Variants in ZC2HC1A observed in about 807,000 individuals in gnomAD.
The protein encoded by ZC2HC1A is zinc finger C2HC domain-containing protein 1A.
A neutral mutation model predicts 40.7 loss-of-function variants in ZC2HC1A; 28 were observed. The ratio of observed to expected loss-of-function variants is 0.69; its 90% confidence interval spans 0.51 to 0.94. The LOEUF (loss-of-function observed/expected upper bound fraction) is 0.94, where lower values mean the gene tolerates loss of function less well. ZC2HC1A is among the 40% of genes least tolerant of loss of function. ZC2HC1A has a pLI of 0.00. For synonymous variants in ZC2HC1A, 129 were observed against 129.2 expected (o/e 1.00, Z 0.01); for missense variants, 389 against 386.3 (o/e 1.01, Z -0.06).
At chr8:78,679,266 A>G (rs1809685789) in intron 3 of ZC2HC1A, 1 of 152,104 alleles carries the variant, frequency 6.6e-6, no homozygotes, top group African/African-American at 2.4e-5. Flanking sequence ...TCTCCTTAAT[A>G]TCTGTTATAT....
intron 7 of ZC2HC1A, among the ~76,000 whole-genome samples, chr8:78,699,422 C>T (rs1392177417): frequency 6.6e-6 from 1 of 152,002 alleles, no homozygotes; most frequent in Non-Finnish European, 1.5e-5. Flanking sequence ...TTTACATATA[C>T]TGGTTCAGTT....
Position 78,675,793 on chromosome 8 carries a change from G to T in ZC2HC1A, c.23G>T (p.Gly8Val), listed in dbSNP as rs763567351. ...AAATTCCTTCCTGTTTTAGAGAATG[G>T]AGGTGTTGTCCAAGTTGGAGAATTG... MEGLEENGGVVQVGELLP... is the reference protein window; with the variant it reads MEGLEENVGVVQVGELLP... The change falls in exon 2 of 9, where the codon GGA (glycine) becomes GTA (valine). Residue 8 changes from glycine to valine, a missense_variant. By Grantham distance (109) the Gly-to-Val change is moderately radical (BLOSUM62 -3). Transcript: ENST00000263849. 6 of 1,607,730 alleles carry T rather than the reference G, an allele frequency of 3.7e-6. No individual in the cohort carries two copies. The Admixed American group carries it at 1.0e-4, about 27-fold the overall frequency.
intron 1 of ZC2HC1A, 78 bp downstream of exon 1, chr8:78,666,242 G>A: frequency 6.5e-7 from 1 of 1,546,450 alleles, no homozygotes; most frequent in Non-Finnish European, 8.7e-7. Context: ...CCAGTAGCAG[G>A]AAGGCGAGGG....
chr8:78,710,816 TA>T lies in ZC2HC1A; in HGVS notation c.705-4402del, dbSNP rs1196443031. Among the ~76,000 whole-genome samples the T allele has an allele frequency of 9.9e-5, 15 of 152,276 alleles. 1 individual carries two copies. In the East Asian group the frequency reaches 2.9e-3, roughly 29 times the overall value. The stretch of plus-strand genomic sequence containing the variant: ...TAATGAAGGCTGCTTTTAAGAACTT[TA>T]AATCCTCACGTAAACACCACCACCT... On this transcript the variant is annotated intron_variant, in intron 7 of 8. Transcript: ENST00000263849.
At chr8:78,678,754 G>C (rs1268037689) in intron 3 of ZC2HC1A, 75 bp downstream of exon 3, 9 of 979,332 alleles carry the variant, frequency 9.2e-6, no homozygotes, top group Non-Finnish European at 1.3e-5. Flanking sequence ...ATCTGTTACA[G>C]TAAGGTTAAG....
chr8:78,715,570 A>T (rs1811075943), intron 8 of ZC2HC1A, among the ~76,000 whole-genome samples: 1 of 152,192 alleles, frequency 6.6e-6, no homozygotes, highest in South Asian at 2.1e-4. Context: ...AGGAGGTCAA[A>T]ATATCCACAT....
At chr8:78,670,364 G>T (rs1223751582) in intron 1 of ZC2HC1A, among the ~76,000 whole-genome samples, 1 of 152,200 alleles carries the variant, frequency 6.6e-6, no homozygotes, top group African/African-American at 2.4e-5. Flanking sequence ...AGCAGAAAAT[G>T]TAAGTTAGTG....
chr8:78,708,840 G>A (rs954537999), intron 7 of ZC2HC1A, among the ~76,000 whole-genome samples: 3 of 151,878 alleles, frequency 2.0e-5, no homozygotes, highest in Non-Finnish European at 4.4e-5. Context: ...ACCATGTCTG[G>A]CTAATTTTGA....
At chr8:78,709,037 T>G (rs182593210) in intron 7 of ZC2HC1A, among the ~76,000 whole-genome samples, 16 of 152,286 alleles carry the variant, frequency 1.1e-4, no homozygotes, top group Non-Finnish European at 2.1e-4. Context: ...AATAAATATT[T>G]CCCCATTTGA....
chr8:78,676,264 G>C (rs1022887689), intron 2 of ZC2HC1A, among the ~76,000 whole-genome samples: 2 of 151,898 alleles, frequency 1.3e-5, no homozygotes, highest in African/African-American at 4.8e-5. Flanking sequence ...TAAAATGTTG[G>C]GAGTTGTTGA....
In ZC2HC1A at chr8:78,719,320, T is replaced by C. The variant is rs1811193898; in HGVS notation, c.*1827T>C. The C allele has an allele frequency of 1.3e-5, 2 of 151,762 alleles. No individual in the cohort carries two copies. The highest frequency in any genetic ancestry group is 3.0e-5 in the Non-Finnish European group (2 of 67,676). 9.4% of individuals were successfully genotyped at this position (151,762 alleles called of 1,614,324 possible). ...CACACATTTGTTTCTCACTGAATTT[T>C]ACAGTAGTAAATTAATGTTATAATG... is the stretch of plus-strand genomic sequence containing the variant. On this transcript the variant is annotated 3_prime_UTR_variant, in exon 9 of 9. Coordinates refer to ENST00000263849, the MANE Select transcript of ZC2HC1A (RefSeq NM_016010.3).
chr8:78,704,205 A>G (rs1810696548), intron 7 of ZC2HC1A, among the ~76,000 whole-genome samples: 1 of 151,838 alleles, frequency 6.6e-6, no homozygotes. Context: ...AATGTGGTGA[A>G]AGCCTGTCTC....
At position 78,686,571 on chromosome 8, in the gene ZC2HC1A, C is replaced by A. The variant is rs762779542; in HGVS notation, c.315C>A (p.Gly105=). ...KGLDQALKEG[G]KLPPPPPPSY... Reference sequence around the variant, plus strand: ...TTGATCAGGCCCTCAAAGAGGGTGGCAAACTTCCTCCTCCTCCTCCACCTT... The same window carrying A: ...TTGATCAGGCCCTCAAAGAGGGTGGAAAACTTCCTCCTCCTCCTCCACCTT... Residue 105 remains glycine (G), a synonymous_variant, in exon 4 of 9, where the codon GGC becomes GGA. Transcript: ENST00000263849. 22 of 1,535,402 alleles carry A rather than the reference C, an allele frequency of 1.4e-5. No individual in the cohort carries two copies. The highest frequency in any genetic ancestry group is 1.8e-5 in the Non-Finnish European group (21 of 1,140,642).
At chr8:78,667,830 A>G (rs62517757) in intron 1 of ZC2HC1A, among the ~76,000 whole-genome samples, 7,822 of 152,234 alleles carry the variant, frequency 0.051, 276 homozygotes, top group Middle Eastern at 0.082. Flanking sequence ...ATGGAAACCT[A>G]TTATGACACT....
intron 1 of ZC2HC1A, among the ~76,000 whole-genome samples, chr8:78,667,408 C>G (rs1413555242): frequency 6.6e-6 from 1 of 151,800 alleles, no homozygotes; most frequent in African/African-American, 2.4e-5. Context: ...ATTTTACTTT[C>G]AAGATACTTT....
At position 78,717,619 on chromosome 8, in the gene ZC2HC1A, T is replaced by C; in HGVS notation, c.*126T>C. The C allele has an allele frequency of 9.2e-7, 1 of 1,083,028 alleles. No individual in the cohort carries two copies. The highest frequency in any genetic ancestry group is 1.3e-6 in the Non-Finnish European group (1 of 774,854). The allele number at this position is 1,083,028 out of a possible 1,614,324, so 67.1% of individuals were successfully genotyped here. ...TCGAAATACCATTTCCAGTTAATTT[T>C]GAAGTGTAATCTTTTGGCTATATAA... is the stretch of plus-strand genomic sequence containing the variant. On this transcript the variant is annotated 3_prime_UTR_variant, in exon 9 of 9. Coordinates refer to ENST00000263849, the MANE Select transcript of ZC2HC1A (RefSeq NM_016010.3).
chr8:78,700,254 A>G (rs1810556765), intron 7 of ZC2HC1A, among the ~76,000 whole-genome samples: 2 of 152,086 alleles, frequency 1.3e-5, no homozygotes, highest in Non-Finnish European at 2.9e-5. Context: ...AGTTGACCGC[A>G]TGTATGTCTT....
chr8:78,704,412 T>G (rs958279806), intron 7 of ZC2HC1A, among the ~76,000 whole-genome samples: 5 of 151,050 alleles, frequency 3.3e-5, no homozygotes, highest in Non-Finnish European at 1.5e-5. Flanking sequence ...AAAAAGAATG[T>G]TAAATATTGG....
rs182903600 is a variant in ZC2HC1A, at chr8:78,704,734, G to A, written c.704+6221G>A. Among the ~76,000 whole-genome samples the A allele has an allele frequency of 2.3e-3, 356 of 152,122 alleles. 1 individual carries two copies. The highest frequency in any genetic ancestry group is 8.0e-3 in the African/African-American group (333 of 41,502). On this transcript the variant is annotated intron_variant, in intron 7 of 8. Transcript: ENST00000263849. Reference sequence around the variant, plus strand: ...TCTCCTCATCTCTTTCAGATATACCGGTCAGTCATAGATTTGGTCTTTTTA... The same window carrying A: ...TCTCCTCATCTCTTTCAGATATACCAGTCAGTCATAGATTTGGTCTTTTTA...
Sources: gnomAD v4.1 joint callset for allele counts (sites outside exome capture counted in the v4.1 genomes callset) on GRCh38, gnomAD v4.1.1 for gene constraint, MANE v1.5 for transcripts, NCBI Gene and HGNC (gene_info 2026-07-23, HGNC 2026-07-21) for gene names.